The following HTR7 variants were observed in gnomAD, a reference collection of about 807,000 sequenced individuals.
HTR7 encodes the protein 5-HT-7.
Under a neutral mutation model 34.0 loss-of-function variants are expected in HTR7, and 16 were observed. The observed-to-expected ratio is 0.47, with a 90% confidence interval of 0.32 to 0.71. The LOEUF is 0.71. Ranked by LOEUF, HTR7 falls within the 30% of genes least tolerant of loss-of-function variation. The pLI, the probability that HTR7 is intolerant of heterozygous loss-of-function variation, is 0.04. For missense variants in HTR7, 504 were observed against 625.5 expected (o/e 0.81, Z 2.07); for synonymous variants, 265 against 260.2 (o/e 1.02, Z -0.18).
chr10:90,772,274 G>A (rs903770302), intron 1 of HTR7, among the ~76,000 whole-genome samples: 8 of 151,720 alleles, frequency 5.3e-5, no homozygotes, highest in African/African-American at 1.9e-4. Flanking sequence ...TCCTTTTGAT[G>A]TTTTTCTTTT....
chr10:90,772,888 T>C (rs1845139381), intron 1 of HTR7, among the ~76,000 whole-genome samples: 1 of 152,162 alleles, frequency 6.6e-6, no homozygotes. Context: ...ATCATCCCTA[T>C]TTTACAAATG....
In HTR7 at chr10:90,844,725, TCA is replaced by T. The variant is rs1491468097; in HGVS notation, c.539+12406_539+12407del. ...CTGGGCAACAGAATGAGACTCCGTC[TCA>T]AAAAAAAAAAAAAAAAAAAAAAAAA... is the stretch of plus-strand genomic sequence containing the variant. On this transcript the variant is annotated intron_variant, in intron 1 of 3. Coordinates refer to ENST00000336152, the MANE Select transcript of HTR7 (RefSeq NM_019859.4). 5.8e-3 allele frequency among the ~76,000 whole-genome samples: 162 copies of T among 27,782 alleles called. 9 individuals are homozygous for T. The highest frequency in any genetic ancestry group is 0.019 in the Middle Eastern group (1 of 52). 18.2% of individuals were successfully genotyped at this position (27,782 alleles called of 152,430 possible).
chr10:90,845,540 C>T (rs540268128), intron 1 of HTR7, among the ~76,000 whole-genome samples: 2 of 152,090 alleles, frequency 1.3e-5, no homozygotes, highest in Non-Finnish European at 2.9e-5. Flanking sequence ...GACAGACACT[C>T]GAAAAACACC....
At chr10:90,796,253 T>C (rs1845536351) in intron 1 of HTR7, among the ~76,000 whole-genome samples, 1 of 152,126 alleles carries the variant, frequency 6.6e-6, no homozygotes, top group African/African-American at 2.4e-5. Flanking sequence ...AAGCAATAAA[T>C]AGATGCAAGA....
At position 90,858,024 on chromosome 10, in the gene HTR7, A is replaced by G. The variant is rs1846628020; in HGVS notation, c.-353T>C. 6.7e-6 allele frequency among the ~76,000 whole-genome samples: 1 copy of G among 148,656 alleles called. No individual in the cohort carries two copies. The highest frequency in any genetic ancestry group is 1.5e-5 in the Non-Finnish European group (1 of 66,880). Reference sequence around the variant, plus strand: ...CCGAGAGCGCCCGGGCGGCAGCGGCAGAAGTTGCGGAGTGCGCCCCGCCCC... The same window carrying G: ...CCGAGAGCGCCCGGGCGGCAGCGGCGGAAGTTGCGGAGTGCGCCCCGCCCC... On this transcript the variant is annotated 5_prime_UTR_variant, in exon 1 of 4. Transcript: ENST00000336152.
chr10:90,789,861 A>T (rs1212520730), intron 1 of HTR7, among the ~76,000 whole-genome samples: 3 of 152,118 alleles, frequency 2.0e-5, no homozygotes, highest in African/African-American at 7.2e-5. Flanking sequence ...TTTATGCCTC[A>T]GTTTTCTTAT....
At chr10:90,824,738 T>A (rs1261125004) in intron 1 of HTR7, among the ~76,000 whole-genome samples, 1 of 152,222 alleles carries the variant, frequency 6.6e-6, no homozygotes, top group Non-Finnish European at 1.5e-5. Context: ...CCTGGCAGTA[T>A]TCCTCATGGG....
chr10:90,840,328 G>A (rs12264160), intron 1 of HTR7, among the ~76,000 whole-genome samples: 24,454 of 151,926 alleles, frequency 0.16, 1,970 homozygotes, highest in African/African-American at 0.17. Flanking sequence ...TCTAACTGAT[G>A]GCAGGGAGTG....
chr10:90,742,537 AAG>A lies in HTR7; in HGVS notation c.1394-11_1394-10del, dbSNP rs754094234. 223 of 1,562,698 alleles carry A rather than the reference AAG, an allele frequency of 1.4e-4. No homozygotes were observed. Among genetic ancestry groups the A allele is most frequent in the Admixed American group, 3.2e-4 (19 of 59,202 alleles). On this transcript the variant is annotated splice_polypyrimidine_tract_variant and intron_variant, in intron 3 of 3. Transcript: ENST00000336152. ...AGTAGTCAGCATTTTGTCTAAAAAA[AAG>A]AGAGAGAAAAATAGAAAATAATTTA...
chr10:90,815,266 AT>A lies in HTR7; in HGVS notation c.539+41866del, dbSNP rs1337240545. Among the ~76,000 whole-genome samples the A allele has an allele frequency of 4.0e-5, 6 of 151,888 alleles. No individual in the cohort carries two copies. The East Asian group carries it at 9.7e-4, about 24-fold the overall frequency. On this transcript the variant is annotated intron_variant, in intron 1 of 3. Coordinates refer to ENST00000336152, the MANE Select transcript of HTR7 (RefSeq NM_019859.4). Reference sequence around the variant, plus strand: ...ACCACCTCACCTAGCTAATTTTTGTATTTTTAGTAGAGACAGGGTTTCACCG... The same window carrying A: ...ACCACCTCACCTAGCTAATTTTTGTATTTTAGTAGAGACAGGGTTTCACCG...
intron 1 of HTR7, among the ~76,000 whole-genome samples, chr10:90,856,798 C>T (rs926161109): frequency 6.6e-6 from 1 of 152,130 alleles, no homozygotes; most frequent in African/African-American, 2.4e-5. Flanking sequence ...AAGGCTTGAT[C>T]AAGTCAGGGA....
At chr10:90,807,771 C>T (rs60748043) in intron 1 of HTR7, among the ~76,000 whole-genome samples, 41,926 of 152,036 alleles carry the variant, frequency 0.28, 6,322 homozygotes, top group African/African-American at 0.4. Context: ...GGGGGACCTC[C>T]CTTGGGAGAT....
At chr10:90,855,375 G>A (rs939691325) in intron 1 of HTR7, among the ~76,000 whole-genome samples, 2 of 152,176 alleles carry the variant, frequency 1.3e-5, no homozygotes, top group African/African-American at 2.4e-5. Context: ...CCTCAATGTA[G>A]CCCAGAAGAG....
At chr10:90,778,468 G>A (rs1262301536) in intron 1 of HTR7, among the ~76,000 whole-genome samples, 2 of 152,104 alleles carry the variant, frequency 1.3e-5, no homozygotes, top group African/African-American at 2.4e-5. Flanking sequence ...CCAGCAAGAA[G>A]GCCTTCACCA....
At chr10:90,759,327 C>T (rs1308776711) in intron 1 of HTR7, among the ~76,000 whole-genome samples, 1 of 151,834 alleles carries the variant, frequency 6.6e-6, no homozygotes, top group Non-Finnish European at 1.5e-5. Flanking sequence ...AAATAAAATC[C>T]ATCCAACTAA....
At chr10:90,764,064 C>G (rs1844980222) in intron 1 of HTR7, among the ~76,000 whole-genome samples, 1 of 152,226 alleles carries the variant, frequency 6.6e-6, no homozygotes, top group Non-Finnish European at 1.5e-5. Context: ...AACTAATTTA[C>G]ATTCCCACCA....
chr10:90,816,076 C>T (rs56043086), intron 1 of HTR7, among the ~76,000 whole-genome samples: 19,612 of 152,136 alleles, frequency 0.13, 1,563 homozygotes, highest in East Asian at 0.2. Context: ...GAGTGTACAA[C>T]GAGGAGATAC....
intron 1 of HTR7, among the ~76,000 whole-genome samples, chr10:90,836,788 G>T (rs1846259283): frequency 6.6e-6 from 1 of 152,014 alleles, no homozygotes; most frequent in African/African-American, 2.4e-5. Flanking sequence ...GTGATCACAG[G>T]CATGAGCCAC....
At chr10:90,751,680 G>A (rs1049144104) in intron 1 of HTR7, among the ~76,000 whole-genome samples, 1 of 152,136 alleles carries the variant, frequency 6.6e-6, no homozygotes, top group African/African-American at 2.4e-5. Context: ...CAGGTATTAT[G>A]TTGGAAAAAT....
Sources: allele counts gnomAD v4.1 joint callset (sites outside exome capture counted in the v4.1 genomes callset), GRCh38; gene constraint gnomAD v4.1.1; transcripts MANE v1.5; gene names NCBI Gene and HGNC (gene_info 2026-07-23, HGNC 2026-07-21).